The following LIAS variants were observed in gnomAD, a reference collection of about 807,000 sequenced individuals.
LIAS encodes the protein lipoyl synthase, mitochondrial.
LIAS carries 36 observed loss-of-function variants against 49.4 expected under a neutral mutation model. That is an observed-to-expected ratio of 0.73 (90% CI 0.56 to 0.96). LIAS has a LOEUF of 0.96. Ranked by LOEUF, LIAS falls within the 40% of genes least tolerant of loss-of-function variation. LIAS has a pLI of 0.00. For missense variants in LIAS, 399 were observed against 456.3 expected, an observed-to-expected ratio of 0.87 and a Z score of 1.14; for synonymous variants, 145 against 155.8, an observed-to-expected ratio of 0.93 and a Z score of 0.52.
rs1173121331 is a variant in LIAS, at chr4:39,459,061, C to G, written c.-57C>G. On this transcript the variant is annotated 5_prime_UTR_variant, in exon 1 of 11. Coordinates refer to ENST00000640888, the MANE Select transcript of LIAS (RefSeq NM_006859.4). ...TGGAGCGACGTAATTTCGACCTGTC[C>G]TTTCCCGGGAGTTAGCGATCCCTCA... The G allele has an allele frequency of 1.9e-6, 3 of 1,595,924 alleles. No homozygotes were observed. Among genetic ancestry groups the G allele is most frequent in the South Asian group, 2.2e-5 (2 of 90,694 alleles).
chr4:39,471,325 G>GC lies in LIAS; in HGVS notation c.954+20dup. ...CCTTAAGGTACATGTATCTTGATTT[G>GC]CTTTTTTTTTTTTTTTTTATTTTTA... On this transcript the variant is annotated intron_variant, in intron 9 of 10. Coordinates refer to ENST00000640888, the MANE Select transcript of LIAS (RefSeq NM_006859.4). 2 of 1,331,464 alleles carry GC rather than the reference G, an allele frequency of 1.5e-6. No individual in the cohort carries two copies. The allele number at this position is 1,331,464 out of a possible 1,614,324, so 82.5% of individuals were successfully genotyped here.
chr4:39,471,367 C>A, intron 9 of LIAS, 61 bp downstream of exon 9: 1 of 1,318,778 alleles, frequency 7.6e-7, no homozygotes, highest in Non-Finnish European at 1.1e-6. Context: ...GAGTTTTGCT[C>A]TTGTCGCCTG....
In LIAS at chr4:39,459,122, C is replaced by G. The variant is rs372288500; in HGVS notation, c.5C>G (p.Ser2Cys). Residue 2 changes from serine to cysteine, a missense_variant, in exon 1 of 11, where the codon TCT becomes TGT. Ser to Cys is a moderately radical substitution (Grantham distance 112). Around this residue, in one of 3 missense-constraint regions of LIAS, gnomAD observed 159 missense variants for 147.6 expected, o/e 1.08. Coordinates refer to ENST00000640888, the MANE Select transcript of LIAS (RefSeq NM_006859.4). ...TGCGCTAGTCCTAAAGAGGAAATGT[C>G]TCTACGCTGCGGGGATGCAGCCCGC... MSLRCGDAARTL... is the reference protein window; with the variant it reads MCLRCGDAARTL... 1.2e-6 allele frequency: 2 copies of G among 1,614,118 alleles called. No individual in the cohort carries two copies. The highest frequency in any genetic ancestry group is 3.3e-4 in the Middle Eastern group (2 of 6,062).
At position 39,460,474 on chromosome 4, in the gene LIAS, C is replaced by T. The variant is rs982453330; in HGVS notation, c.46-316C>T. ...GCGTGAACCCGGGAGGCGGAGCTTG[C>T]GGTGAGCCAAGATTGCGCCACTGCA... is the stretch of plus-strand genomic sequence containing the variant. On this transcript the variant is annotated intron_variant, in intron 1 of 10. Coordinates refer to ENST00000640888, the MANE Select transcript of LIAS (RefSeq NM_006859.4). 7.3e-5 allele frequency among the ~76,000 whole-genome samples: 10 copies of T among 136,646 alleles called. No homozygotes were observed. In the East Asian group the frequency reaches 2.2e-3, roughly 31 times the overall value. 89.6% of individuals were successfully genotyped at this position (136,646 alleles called of 152,430 possible). A position where few individuals can be genotyped will look rare whatever the true frequency, so the allele number is the denominator to read the frequency against.
rs571186008 is a variant in LIAS, at chr4:39,463,692, A to C, written c.393+87A>C. On this transcript the variant is annotated intron_variant, in intron 4 of 10. Transcript: ENST00000640888. ...TTCCTCCTAAAAATGTGCATTATGA[A>C]TCTCTGGTCAGATTTTTCATTACAT... 5.1e-4 allele frequency: 740 copies of C among 1,461,990 alleles called. 3 individuals carry two copies. In the Middle Eastern group the frequency reaches 5.6e-3, roughly 11 times the overall value. The allele number at this position is 1,461,990 out of a possible 1,614,324, so 90.6% of individuals were successfully genotyped here.
rs770931431 is a variant in LIAS, at chr4:39,470,017, A to G, written c.738-2A>G. The G allele has an allele frequency of 6.2e-7, 1 of 1,605,852 alleles. No homozygotes were observed. The highest frequency in any genetic ancestry group is 1.1e-5 in the South Asian group (1 of 90,206). The stretch of plus-strand genomic sequence containing the variant: ...GCTGACAACAGTCCTGCTGTTTTCC[A>G]GTAAGGTTCGTGATCCTCGGGCCAA... On this transcript the variant is annotated splice_acceptor_variant, in intron 7 of 10. Transcript: ENST00000640888. LOFTEE classifies it high-confidence loss of function.
chr4:39,472,476 G>C (rs577169348), intron 9 of LIAS, among the ~76,000 whole-genome samples: 4 of 152,296 alleles, frequency 2.6e-5, no homozygotes, highest in African/African-American at 9.6e-5. Context: ...CATATTTGCT[G>C]CCTCCCCCAT....
At chr4:39,476,519 C>A (rs1745197811) in intron 10 of LIAS, 2 of 152,724 alleles carry the variant, frequency 1.3e-5, no homozygotes, top group South Asian at 4.1e-4. Context: ...AATGTGCCCT[C>A]TAAGCTGCTA....
intron 1 of LIAS, among the ~76,000 whole-genome samples, chr4:39,459,739 T>C (rs1744350332): frequency 6.6e-6 from 1 of 152,118 alleles, no homozygotes; most frequent in Non-Finnish European, 1.5e-5. Flanking sequence ...ACAGAAACAA[T>C]GTAACCTAGA....
intron 9 of LIAS, among the ~76,000 whole-genome samples, chr4:39,471,885 A>G (rs1447557870): frequency 6.6e-6 from 1 of 151,716 alleles, no homozygotes; most frequent in Admixed American, 6.6e-5. Flanking sequence ...GCTAGTCTTG[A>G]ACTCCTGACC....
chr4:39,467,627 A>C lies in LIAS; in HGVS notation c.718A>C (p.Thr240Pro), dbSNP rs1461186521. 1 of 1,587,168 alleles carries C rather than the reference A, an allele frequency of 6.3e-7. No individual in the cohort carries two copies. ...AGATGTGTATGCACATAATGTAGAA[A>C]CAGTCCCGGAATTACAGAGGTGAAT... ...GLDVYAHNVE[T>P]VPELQSKVRD... Residue 240 changes from threonine (T) to proline (P), a missense_variant, in exon 7 of 11, where the codon ACA becomes CCA. Coordinates refer to ENST00000640888, the MANE Select transcript of LIAS (RefSeq NM_006859.4).
intron 10 of LIAS, chr4:39,474,744 C>T (rs538846657): frequency 0.019 from 2,854 of 151,906 alleles, 38 homozygotes; most frequent in Non-Finnish European, 0.029. Context: ...TACAGGTGCC[C>T]GCCACCACGC....
intron 4 of LIAS, 142 bp downstream of exon 4, chr4:39,463,747 C>T (rs1744640954): frequency 1.5e-6 from 2 of 1,347,100 alleles, no homozygotes; most frequent in Non-Finnish European, 1.9e-6. Context: ...TAAGAAAAAA[C>T]CTGATGGAAT....
At chr4:39,469,166 A>G (rs1744887859) in intron 7 of LIAS, 1 of 152,258 alleles carries the variant, frequency 6.6e-6, no homozygotes, top group Non-Finnish European at 1.5e-5. Flanking sequence ...AAGAAGTTAC[A>G]GTAAACAATA....
intron 2 of LIAS, among the ~76,000 whole-genome samples, chr4:39,461,834 A>G (rs1744511975): frequency 6.6e-6 from 1 of 152,218 alleles, no homozygotes; most frequent in Admixed American, 6.5e-5. Context: ...AGCTGGGACT[A>G]CAGGCGCCTG....
intron 9 of LIAS, among the ~76,000 whole-genome samples, chr4:39,472,507 C>T (rs1745031777): frequency 1.3e-5 from 2 of 152,192 alleles, no homozygotes; most frequent in African/African-American, 4.8e-5. Flanking sequence ...AATTTCACAA[C>T]TCAAGTGAAC....
chr4:39,465,000 A>C (rs780938586), intron 4 of LIAS, 46 bp from the exon 5 acceptor site: 43 of 1,502,444 alleles, frequency 2.9e-5, no homozygotes, highest in Non-Finnish European at 3.8e-5. Flanking sequence ...TATGTCCTTA[A>C]GGGTCATCTG....
intron 6 of LIAS, 132 bp from the exon 7 acceptor site, chr4:39,467,386 C>T (rs1744800186): frequency 2.6e-6 from 2 of 761,492 alleles, no homozygotes; most frequent in South Asian, 5.8e-5. Context: ...TCTGTATGTT[C>T]ATACTTTTCT....
chr4:39,472,052 C>T (rs964304194), intron 9 of LIAS, among the ~76,000 whole-genome samples: 4 of 151,992 alleles, frequency 2.6e-5, no homozygotes, highest in Non-Finnish European at 5.9e-5. Context: ...AATTAACACA[C>T]ATTTTGTATG....
Sources: gnomAD v4.1 joint callset for allele counts (sites outside exome capture counted in the v4.1 genomes callset) on GRCh38, gnomAD v4.1.1 for gene constraint, gnomAD v4.1.1 regional missense constraint, MANE v1.5 for transcripts, NCBI Gene and HGNC (gene_info 2026-07-23, HGNC 2026-07-21) for gene names.